Variants in ABAT observed in about 807,000 individuals in gnomAD.
ABAT encodes the protein 4-aminobutyrate aminotransferase, mitochondrial.
In ABAT, 45 loss-of-function variants were observed where a neutral mutation model predicts 64.6. The observed-to-expected ratio is 0.70, with a 90% confidence interval of 0.55 to 0.89. The LOEUF is 0.89. Among genes scored for constraint, ABAT ranks in the 40% least tolerant of loss-of-function variants. The pLI is 0.00. For missense variants in ABAT, 633 were observed against 658.4 expected (o/e 0.96, Z 0.42); for synonymous variants, 297 against 250.5 (o/e 1.19, Z -1.75).
chr16:8,746,236 T>A (rs2059325023), intron 3 of ABAT, 138 bp downstream of exon 3: 1 of 742,204 alleles, frequency 1.3e-6, no homozygotes, highest in Non-Finnish European at 2.3e-6. Context: ...TCTGAGATAC[T>A]CAATGAGGCC....
At chr16:8,724,979 C>T (rs1351817072) in intron 1 of ABAT, among the ~76,000 whole-genome samples, 41 of 151,122 alleles carry the variant, frequency 2.7e-4, no homozygotes, top group Non-Finnish European at 5.5e-4. Flanking sequence ...TGCAGTGGCG[C>T]CATCTCGGCT....
At chr16:8,690,710 G>A (rs1171514942) in intron 1 of ABAT, among the ~76,000 whole-genome samples, 2 of 152,236 alleles carry the variant, frequency 1.3e-5, no homozygotes, top group East Asian at 3.8e-4. Flanking sequence ...TCTGCACCAA[G>A]TGGAGTAATT....
At chr16:8,780,184 G>T (rs372882842) in intron 15 of ABAT, among the ~76,000 whole-genome samples, 1 of 152,094 alleles carries the variant, frequency 6.6e-6, no homozygotes. Context: ...GCGTGAAGGC[G>T]AACGGTTGGG....
At chr16:8,712,232 T>TA (rs1197846549) in intron 1 of ABAT, among the ~76,000 whole-genome samples, 3 of 151,996 alleles carry the variant, frequency 2.0e-5, no homozygotes, top group Non-Finnish European at 4.4e-5. Flanking sequence ...CTCCATCTCA[T>TA]AAAAAAAGAA....
chr16:8,752,575 A>G (rs1435013281), intron 5 of ABAT, among the ~76,000 whole-genome samples: 2 of 152,184 alleles, frequency 1.3e-5, no homozygotes, highest in African/African-American at 2.4e-5. Context: ...TCTGGGCATT[A>G]TAGTGAGAAC....
chr16:8,766,383 G>T, intron 9 of ABAT, 113 bp downstream of exon 9: 1 of 1,016,178 alleles, frequency 9.8e-7, no homozygotes, highest in Non-Finnish European at 1.5e-6. Flanking sequence ...GGCCAGGCGC[G>T]GTGGCTCATG....
At chr16:8,758,156 G>A (rs113541175) in intron 6 of ABAT, among the ~76,000 whole-genome samples, 141 of 152,274 alleles carry the variant, frequency 9.3e-4, no homozygotes, top group African/African-American at 2.8e-3. Flanking sequence ...ACTTTATAGC[G>A]ACAATATTGA....
intron 1 of ABAT, among the ~76,000 whole-genome samples, chr16:8,687,926 T>TTG (rs2057493806): frequency 6.6e-6 from 1 of 151,252 alleles, no homozygotes; most frequent in Non-Finnish European, 1.5e-5. Flanking sequence ...GAGACAGGGG[T>TTG]CTCACTCTGT....
chr16:8,703,512 A>C (rs1055468639), intron 1 of ABAT, among the ~76,000 whole-genome samples: 5 of 152,166 alleles, frequency 3.3e-5, no homozygotes, highest in Non-Finnish European at 5.9e-5. Flanking sequence ...AATTTCAAGC[A>C]AAAGTCTTAC....
intron 1 of ABAT, among the ~76,000 whole-genome samples, chr16:8,725,513 T>C (rs1408669862): frequency 6.6e-6 from 1 of 152,238 alleles, no homozygotes; most frequent in African/African-American, 2.4e-5. Flanking sequence ...TAAAAAATAT[T>C]TTGAGATTTA....
chr16:8,676,412 A>T (rs1321211552), intron 1 of ABAT, among the ~76,000 whole-genome samples: 1 of 151,968 alleles, frequency 6.6e-6, no homozygotes, highest in African/African-American at 2.4e-5. Flanking sequence ...CACATTTACA[A>T]TGGGGACTTG....
At chr16:8,706,388 G>C (rs2057943285) in intron 1 of ABAT, among the ~76,000 whole-genome samples, 1 of 136,530 alleles carries the variant, frequency 7.3e-6, no homozygotes, top group African/African-American at 2.7e-5. Context: ...CTGGGCAACA[G>C]AGTGAGACCC....
At chr16:8,733,407 G>A (rs1307294357) in intron 1 of ABAT, among the ~76,000 whole-genome samples, 4 of 151,684 alleles carry the variant, frequency 2.6e-5, no homozygotes, top group African/African-American at 7.3e-5. Flanking sequence ...AGGCAGAGAC[G>A]CTCCTCACTT....
chr16:8,768,713 C>T, intron 10 of ABAT, 112 bp from the exon 11 acceptor site: 9 of 1,452,812 alleles, frequency 6.2e-6, no homozygotes, highest in African/African-American at 5.6e-5. Flanking sequence ...AGGCAACAGG[C>T]CTCCCTGCCC....
chr16:8,721,903 A>C (rs760184370), intron 1 of ABAT, among the ~76,000 whole-genome samples: 3 of 152,262 alleles, frequency 2.0e-5, no homozygotes, highest in Non-Finnish European at 4.4e-5. Flanking sequence ...AGAGCTCACT[A>C]TCTGGCTAGA....
At chr16:8,758,147 C>T (rs139257925) in intron 6 of ABAT, among the ~76,000 whole-genome samples, 1 of 152,184 alleles carries the variant, frequency 6.6e-6, no homozygotes, top group Non-Finnish European at 1.5e-5. Context: ...GTGTTCAGCA[C>T]TTTATAGCGA....
At chr16:8,712,979 A>T (rs920388393) in intron 1 of ABAT, 2 of 139,360 alleles carry the variant, frequency 1.4e-5, no homozygotes, top group South Asian at 2.3e-4. Context: ...TCTTGTGATC[A>T]CCCTCATTAC....
intron 4 of ABAT, among the ~76,000 whole-genome samples, chr16:8,749,453 C>T (rs150932519): frequency 0.03 from 3,506 of 117,046 alleles, 136 homozygotes; most frequent in African/African-American, 0.1. Context: ...GGCTGGTGTG[C>T]AGTGGCACAA....
At chr16:8,757,167 C>CTTTT (rs1454658063) in intron 5 of ABAT, 1 of 443,584 alleles carries the variant, frequency 2.3e-6, no homozygotes, top group Non-Finnish European at 4.5e-6. Context: ...ATTTATCTCC[C>CTTTT]TTTTTATTTA....
Sources: allele counts gnomAD v4.1 joint callset (sites outside exome capture counted in the v4.1 genomes callset), GRCh38; gene constraint gnomAD v4.1.1; transcripts MANE v1.5; gene names NCBI Gene and HGNC (gene_info 2026-07-23, HGNC 2026-07-21).